Variants in CCSER1 observed in about 807,000 individuals in gnomAD.
CCSER1 encodes coiled-coil serine rich protein 1.
CCSER1 carries 41 observed loss-of-function variants against 82.0 expected under a neutral mutation model. That is an observed-to-expected ratio of 0.50 (90% CI 0.39 to 0.65). CCSER1 has a LOEUF of 0.65. CCSER1 is among the 30% of genes least tolerant of loss of function. The pLI, the probability that CCSER1 is intolerant of heterozygous loss-of-function variation, is 0.00. For missense variants in CCSER1, 1,119 were observed against 1,064.2 expected, an observed-to-expected ratio of 1.05 and a Z score of -0.72; for synonymous variants, 414 against 383.9, an observed-to-expected ratio of 1.08 and a Z score of -0.92.
chr4:91,394,787 C>T (rs975706724), intron 10 of CCSER1, among the ~76,000 whole-genome samples: 2 of 151,634 alleles, frequency 1.3e-5, no homozygotes, highest in Non-Finnish European at 2.9e-5. Context: ...TAACAAAAAA[C>T]CTTCTAGATG....
chr4:90,451,753 G>A (rs545523273), intron 4 of CCSER1, among the ~76,000 whole-genome samples: 46 of 152,276 alleles, frequency 3.0e-4, no homozygotes, highest in Non-Finnish European at 2.1e-4. Flanking sequence ...AGATATATGA[G>A]GCCCTCTTGC....
chr4:90,207,453 C>T (rs980170513), intron 1 of CCSER1, among the ~76,000 whole-genome samples: 6 of 152,084 alleles, frequency 3.9e-5, no homozygotes, highest in African/African-American at 1.4e-4. Flanking sequence ...TCCTTTAGCT[C>T]GGAGGAGTTT....
chr4:90,201,697 G>A (rs878951510), intron 1 of CCSER1, among the ~76,000 whole-genome samples: 4 of 152,102 alleles, frequency 2.6e-5, no homozygotes, highest in African/African-American at 9.7e-5. Context: ...ATAGGCTACT[G>A]TATTGAACAG....
At chr4:91,010,339 T>C (rs148191424) in intron 9 of CCSER1, among the ~76,000 whole-genome samples, 1 of 152,332 alleles carries the variant, frequency 6.6e-6, no homozygotes, top group African/African-American at 2.4e-5. Context: ...TCTTTTAAAA[T>C]TCCCTGTTTG....
chr4:90,325,282 G>T (rs1446588644), intron 3 of CCSER1, among the ~76,000 whole-genome samples: 4 of 152,110 alleles, frequency 2.6e-5, no homozygotes, highest in Non-Finnish European at 5.9e-5. Context: ...ATGTATGTTA[G>T]AATAAACTGT....
rs1230791313 is a variant in CCSER1 at position 91,175,180 on chromosome 4, C to T, written c.2217+89186C>T. On this transcript the variant is annotated intron_variant, in intron 10 of 10. Coordinates refer to ENST00000509176, the MANE Select transcript of CCSER1 (RefSeq NM_001145065.2). ...TCCTTTTTTATGGCTGTATAGTGTT[C>T]CATGGTGTATATGTACCATATTTTC... Among the ~76,000 whole-genome samples, 3 of 152,006 alleles carry T rather than the reference C, an allele frequency of 2.0e-5. No homozygotes were observed. In the East Asian group the frequency reaches 5.8e-4, roughly 29 times the overall value.
intron 9 of CCSER1, among the ~76,000 whole-genome samples, chr4:91,040,289 T>C (rs112966538): frequency 0.012 from 1,876 of 152,304 alleles, 37 homozygotes; most frequent in African/African-American, 0.042. Context: ...GCCCTTTAAT[T>C]TAAAAATGTG....
chr4:90,260,043 A>G (rs1724038269), intron 1 of CCSER1, among the ~76,000 whole-genome samples: 3 of 152,242 alleles, frequency 2.0e-5, no homozygotes, highest in Admixed American at 6.5e-5. Context: ...ATTAGTACCA[A>G]TTCTTCTTTG....
At chr4:90,555,698 A>G (rs1778047900) in intron 5 of CCSER1, among the ~76,000 whole-genome samples, 1 of 152,094 alleles carries the variant, frequency 6.6e-6, no homozygotes, top group Non-Finnish European at 1.5e-5. Context: ...AAAGAAAATT[A>G]GTAGTCTTTG....
In CCSER1 at chr4:90,942,384, G is replaced by A. The variant is rs188912726; in HGVS notation, c.2172+18937G>A. 9.9e-5 allele frequency among the ~76,000 whole-genome samples: 15 copies of A among 152,246 alleles called. No homozygotes were observed. The East Asian group carries it at 2.1e-3, about 22-fold the overall frequency. ...ATTATTTTATCTCTTACACCAAATC[G>A]TACTTTTTGAATCTATGCATTGGTG... On this transcript the variant is annotated intron_variant, in intron 9 of 10. Coordinates refer to ENST00000509176, the MANE Select transcript of CCSER1 (RefSeq NM_001145065.2).
intron 1 of CCSER1, among the ~76,000 whole-genome samples, chr4:90,294,307 T>C (rs936543711): frequency 6.6e-6 from 1 of 152,028 alleles, no homozygotes; most frequent in African/African-American, 2.4e-5. Flanking sequence ...AGCCTAGGAT[T>C]TGAGACCTGC....
intron 5 of CCSER1, among the ~76,000 whole-genome samples, chr4:90,595,561 CA>C (rs1783228663): frequency 6.6e-6 from 1 of 151,814 alleles, no homozygotes; most frequent in Non-Finnish European, 1.5e-5. Flanking sequence ...TTAATTTCAA[CA>C]AAGAATATAG....
At chr4:91,412,613 A>C (rs986217065) in intron 10 of CCSER1, among the ~76,000 whole-genome samples, 1 of 152,074 alleles carries the variant, frequency 6.6e-6, no homozygotes, top group African/African-American at 2.4e-5. Context: ...CCCACCAACC[A>C]TAGACTCTGC....
intron 10 of CCSER1, among the ~76,000 whole-genome samples, chr4:91,091,798 G>A (rs1045758299): frequency 6.6e-6 from 1 of 152,008 alleles, no homozygotes; most frequent in African/African-American, 2.4e-5. Flanking sequence ...CACTGTGGCC[G>A]TAAGGGAGCT....
At chr4:90,792,594 T>G (rs1755408770) in intron 7 of CCSER1, among the ~76,000 whole-genome samples, 1 of 152,192 alleles carries the variant, frequency 6.6e-6, no homozygotes, top group Admixed American at 6.5e-5. Context: ...ATTTAGCGAT[T>G]CTTTTGATGA....
intron 8 of CCSER1, among the ~76,000 whole-genome samples, chr4:90,916,359 A>G (rs866894527): frequency 4.6e-5 from 7 of 152,296 alleles, no homozygotes; most frequent in African/African-American, 7.2e-5. Flanking sequence ...ATATAATGCC[A>G]CATATCTACA....
intron 5 of CCSER1, among the ~76,000 whole-genome samples, chr4:90,533,093 T>C (rs1022232301): frequency 7.2e-6 from 1 of 139,830 alleles, no homozygotes. Flanking sequence ...GGTTTTTTTT[T>C]TTTTTTTTTT....
chr4:90,398,272 G>C (rs1034409289), intron 3 of CCSER1, among the ~76,000 whole-genome samples: 6 of 152,126 alleles, frequency 3.9e-5, no homozygotes, highest in Non-Finnish European at 8.8e-5. Flanking sequence ...TCAGGGCTCT[G>C]TCTCCAAATG....
intron 7 of CCSER1, among the ~76,000 whole-genome samples, chr4:90,801,434 A>C (rs2149701154): frequency 6.6e-6 from 1 of 152,234 alleles, no homozygotes; most frequent in South Asian, 2.1e-4. Context: ...TGGTATTATT[A>C]TTTTTTGAAA....
Sources: allele counts gnomAD v4.1 joint callset (sites outside exome capture counted in the v4.1 genomes callset), GRCh38; gene constraint gnomAD v4.1.1; transcripts MANE v1.5; gene names NCBI Gene and HGNC (gene_info 2026-07-23, HGNC 2026-07-21).